Variants in CLCN4 observed in about 807,000 individuals in gnomAD.
CLCN4 encodes the protein Cl-/H+ antiporter 4.
Under a neutral mutation model 41.7 loss-of-function variants are expected in CLCN4, and 1 was observed. The observed-to-expected ratio is 0.02, with a 90% confidence interval of 0.01 to 0.11. The LOEUF (loss-of-function observed/expected upper bound fraction) is 0.11, where lower values mean the gene tolerates loss of function less well. CLCN4 is among the 10% of genes least tolerant of loss of function. The pLI is 1.00. For missense variants in CLCN4, 287 were observed against 661.0 expected (o/e 0.43, Z 6.20); for synonymous variants, 277 against 285.8 (o/e 0.97, Z 0.31).
rs1230123572 is a variant in CLCN4 at position 10,166,398 on chromosome X, A to G, written c.-12+7847A>G. ...AGCCCTAGCAAGCACGTGCAGCAGC[A>G]TTTTTTTGTGGATGCATGAGAGCGC... is the stretch of plus-strand genomic sequence containing the variant. On this transcript the variant is annotated intron_variant, in intron 2 of 12. Transcript: ENST00000380833. Among the ~76,000 whole-genome samples the G allele has an allele frequency of 2.7e-5, 3 of 111,892 alleles. No individual in the cohort carries two copies. In the Admixed American group the frequency reaches 2.8e-4, roughly 11 times the overall value.
At chrX:10,203,115 A>G in intron 6 of CLCN4, among the ~76,000 whole-genome samples, 1 of 112,286 alleles carries the variant, frequency 8.9e-6, no homozygotes, top group South Asian at 3.7e-4. Context: ...ACCACATGTC[A>G]TGGCTGGCAA....
intron 2 of CLCN4, among the ~76,000 whole-genome samples, chrX:10,172,525 G>T (rs1011440575): frequency 9.0e-6 from 1 of 111,635 alleles, no homozygotes; most frequent in African/African-American, 3.3e-5. Context: ...GCCTGGGGTC[G>T]TGTGGCAGTA....
At chrX:10,222,979 T>G (rs1244715583) in intron 12 of CLCN4, among the ~76,000 whole-genome samples, 1 of 110,945 alleles carries the variant, frequency 9.0e-6, no homozygotes, top group Non-Finnish European at 1.9e-5. Context: ...GCTCAAGTGG[T>G]TTTTCAAACT....
chrX:10,203,760 A>G (rs1924301782), intron 6 of CLCN4, among the ~76,000 whole-genome samples: 1 of 111,719 alleles, frequency 9.0e-6, no homozygotes, highest in African/African-American at 3.3e-5. Context: ...GGTGAGAGCC[A>G]GCCAGCAGTG....
At chrX:10,206,588 G>A in intron 7 of CLCN4, 24 bp downstream of exon 7, 1 of 1,203,798 alleles carries the variant, frequency 8.3e-7, no homozygotes, top group Non-Finnish European at 1.1e-6. Context: ...GCTTCCATCT[G>A]CAGCGAAACT....
chrX:10,228,158 A>AT (rs201383233), intron 12 of CLCN4, among the ~76,000 whole-genome samples: 2,400 of 110,851 alleles, frequency 0.022, 17 homozygotes, highest in Non-Finnish European at 0.032. Flanking sequence ...CTGTTGCACT[A>AT]TCAAATACTA....
chrX:10,204,613 C>CTTTTTTTTTTTTTTTTTTTT lies in CLCN4; in HGVS notation c.556-1728_556-1709dup, dbSNP rs61453535. Among the ~76,000 whole-genome samples, 3 of 27,347 alleles carry CTTTTTTTTTTTTTTTTTTTT rather than the reference C, an allele frequency of 1.1e-4. 1 individual carries two copies. Among genetic ancestry groups the CTTTTTTTTTTTTTTTTTTTT allele is most frequent in the African/African-American group, 7.9e-5 (1 of 12,642 alleles). 23.7% of individuals were successfully genotyped at this position (27,347 alleles called of 115,157 possible). On this transcript the variant is annotated intron_variant, in intron 6 of 12. Coordinates refer to ENST00000380833, the MANE Select transcript of CLCN4 (RefSeq NM_001830.4). ...CTATTCTCACCAGAAAGCTAGTAGT[C>CTTTTTTTTTTTTTTTTTTTT]TTTTTTTTTTTTTTTTTTTTTTTTT...
At chrX:10,207,515 A>G (rs763874594) in intron 8 of CLCN4, among the ~76,000 whole-genome samples, 10 of 112,407 alleles carry the variant, frequency 8.9e-5, no homozygotes, top group Non-Finnish European at 1.5e-4. Flanking sequence ...ATTTCCATAG[A>G]TGTTTCCTTA....
chrX:10,179,247 C>A (rs5933815), intron 2 of CLCN4, among the ~76,000 whole-genome samples: 165 of 110,169 alleles, frequency 1.5e-3, no homozygotes, highest in Non-Finnish European at 2.8e-3. Context: ...TGAAAGGGGC[C>A]GGTGCTGTTT....
chrX:10,207,880 C>T (rs1924436708), intron 8 of CLCN4, among the ~76,000 whole-genome samples, 165 bp from the exon 9 acceptor site: 1 of 112,252 alleles, frequency 8.9e-6, no homozygotes. Context: ...AGTTAGATTC[C>T]TCCAGGTATC....
intron 2 of CLCN4, among the ~76,000 whole-genome samples, chrX:10,161,894 G>T (rs1277070900): frequency 9.0e-6 from 1 of 110,848 alleles, no homozygotes; most frequent in Non-Finnish European, 1.9e-5. Flanking sequence ...CTACAAAAGG[G>T]TCCATCTGCC....
intron 12 of CLCN4, among the ~76,000 whole-genome samples, chrX:10,232,628 A>G (rs1925154425): frequency 8.9e-6 from 1 of 112,020 alleles, no homozygotes; most frequent in African/African-American, 3.2e-5. Flanking sequence ...ATTTTACCCA[A>G]GGGACATGAT....
intron 12 of CLCN4, among the ~76,000 whole-genome samples, chrX:10,233,151 A>G (rs190087332): frequency 1.8e-5 from 2 of 112,369 alleles, no homozygotes; most frequent in Non-Finnish European, 3.8e-5. Context: ...TTTTTCTCAC[A>G]TGTTACATCC....
intron 6 of CLCN4, among the ~76,000 whole-genome samples, chrX:10,199,375 T>C (rs1924178268): frequency 8.9e-6 from 1 of 112,591 alleles, no homozygotes; most frequent in Non-Finnish European, 1.9e-5. Flanking sequence ...CTAAGAAATA[T>C]GTAAATACCA....
At chrX:10,173,555 T>C (rs975013532) in intron 2 of CLCN4, among the ~76,000 whole-genome samples, 2 of 111,137 alleles carry the variant, frequency 1.8e-5, no homozygotes, top group Non-Finnish European at 3.8e-5. Context: ...CTGCTTAATC[T>C]CCTCCCTCTG....
chrX:10,206,244 C>T, intron 6 of CLCN4, 114 bp from the exon 7 acceptor site: 1 of 505,583 alleles, frequency 2.0e-6, no homozygotes, highest in Non-Finnish European at 3.4e-6. Context: ...GTTTCTGTTC[C>T]ATGCTATTGA....
At chrX:10,164,930 G>C (rs1923206846) in intron 2 of CLCN4, among the ~76,000 whole-genome samples, 1 of 112,483 alleles carries the variant, frequency 8.9e-6, no homozygotes, top group Admixed American at 9.3e-5. Flanking sequence ...TACACAGCTT[G>C]CTTGCTGTCC....
chrX:10,229,535 C>G (rs1925072607), intron 12 of CLCN4, among the ~76,000 whole-genome samples: 1 of 109,022 alleles, frequency 9.2e-6, no homozygotes, highest in Non-Finnish European at 1.9e-5. Flanking sequence ...CTAATGCTAT[C>G]CCTCCCCCGT....
intron 2 of CLCN4, among the ~76,000 whole-genome samples, chrX:10,159,451 G>A (rs1923038447): frequency 1.8e-5 from 2 of 110,535 alleles, no homozygotes; most frequent in South Asian, 4.0e-4. Context: ...TTTCTAGAGC[G>A]TTTACATGCC....
Sources: allele counts gnomAD v4.1 joint callset (sites outside exome capture counted in the v4.1 genomes callset), GRCh38; gene constraint gnomAD v4.1.1; transcripts MANE v1.5; gene names NCBI Gene and HGNC (gene_info 2026-07-23, HGNC 2026-07-21).